Variants in NPAS3 observed in about 807,000 individuals in gnomAD.
The protein encoded by NPAS3 is neuronal PAS domain-containing protein 3.
A neutral mutation model predicts 73.1 loss-of-function variants in NPAS3; 14 were observed. That is an observed-to-expected ratio of 0.19 (90% CI 0.13 to 0.30). The LOEUF (loss-of-function observed/expected upper bound fraction) is 0.30, where lower values mean the gene tolerates loss of function less well. NPAS3 is among the 10% of genes least tolerant of loss of function. The probability of loss-of-function intolerance (pLI) is 1.00; values close to 1 mark genes in which losing one functional copy is unlikely to be tolerated. For synonymous variants in NPAS3, 620 were observed against 541.5 expected (o/e 1.14, Z -2.01); for missense variants, 1,096 against 1,250.0 (o/e 0.88, Z 1.86).
Position 33,750,162 on chromosome 14 carries a change from G to A in NPAS3, c.852+14830G>A, listed in dbSNP as rs114674745. On this transcript the variant is annotated intron_variant, in intron 7 of 11. Transcript: ENST00000356141. ...CATTCAAAGTACCAAACAGTGAGGC[G>A]TTGTCAAGAAGGGATATGTTGGATG... Among the ~76,000 whole-genome samples, 1,280 of 151,328 alleles carry A rather than the reference G, an allele frequency of 8.5e-3. 18 individuals carry two copies. The highest frequency in any genetic ancestry group is 0.028 in the African/African-American group (1,155 of 41,274).
chr14:33,383,576 T>G (rs536072147), intron 4 of NPAS3, among the ~76,000 whole-genome samples: 1 of 152,290 alleles, frequency 6.6e-6, no homozygotes, highest in East Asian at 1.9e-4. Context: ...GCCCCTTAAT[T>G]TTCTGATTAC....
intron 3 of NPAS3, among the ~76,000 whole-genome samples, chr14:33,256,019 AT>A (rs2048767771): frequency 6.6e-6 from 1 of 152,196 alleles, no homozygotes; most frequent in Non-Finnish European, 1.5e-5. Context: ...TAAATTTAAA[AT>A]TACTCATAAA....
intron 2 of NPAS3, among the ~76,000 whole-genome samples, chr14:33,105,567 T>C (rs1410946088): frequency 6.6e-6 from 1 of 152,144 alleles, no homozygotes; most frequent in African/African-American, 2.4e-5. Context: ...TTAGATTACA[T>C]GGGCTACTAA....
At chr14:33,796,584 C>T (rs147971938) in intron 10 of NPAS3, among the ~76,000 whole-genome samples, 103 of 152,140 alleles carry the variant, frequency 6.8e-4, no homozygotes, top group Non-Finnish European at 1.3e-3. Flanking sequence ...ATGGAAAAAT[C>T]GAAGAGGCAT....
At chr14:33,504,991 A>G (rs1406045321) in intron 4 of NPAS3, among the ~76,000 whole-genome samples, 1 of 152,026 alleles carries the variant, frequency 6.6e-6, no homozygotes, top group African/African-American at 2.4e-5. Context: ...CCAATAATTT[A>G]TGTCTCTCTC....
chr14:33,663,494 C>G (rs946595891), intron 5 of NPAS3, among the ~76,000 whole-genome samples: 1 of 151,936 alleles, frequency 6.6e-6, no homozygotes, highest in African/African-American at 2.4e-5. Flanking sequence ...ATTTTCAAAT[C>G]GATGTTCATC....
intron 3 of NPAS3, among the ~76,000 whole-genome samples, chr14:33,244,507 G>C (rs548146547): frequency 1.6e-5 from 2 of 122,226 alleles, no homozygotes; most frequent in South Asian, 5.1e-4. Context: ...TGGATGTAAT[G>C]TAAGTTAAAA....
intron 3 of NPAS3, among the ~76,000 whole-genome samples, chr14:33,336,548 A>G (rs191602072): frequency 6.6e-6 from 1 of 152,300 alleles, no homozygotes; most frequent in Admixed American, 6.5e-5. Flanking sequence ...TCTTTCAGGA[A>G]ATACTTGGAC....
intron 2 of NPAS3, among the ~76,000 whole-genome samples, chr14:33,063,551 AC>A (rs2041179732): frequency 6.6e-6 from 1 of 152,066 alleles, no homozygotes; most frequent in African/African-American, 2.4e-5. Context: ...AGCCAAATCT[AC>A]CCCATCCCCC....
At chr14:33,784,751 T>TTTTTTTTTTTTTTTTTTTTTTTTTA (rs2063110602) in intron 9 of NPAS3, among the ~76,000 whole-genome samples, 1 of 114,876 alleles carries the variant, frequency 8.7e-6, no homozygotes, top group African/African-American at 3.9e-5. Context: ...ATTTATTTTT[T>TTTTTTTTTTTTTTTTTTTTTTTTTA]TTTTTTTTTT....
At chr14:33,385,244 G>T (rs1044666548) in intron 4 of NPAS3, among the ~76,000 whole-genome samples, 2 of 151,582 alleles carry the variant, frequency 1.3e-5, no homozygotes, top group Admixed American at 6.6e-5. Flanking sequence ...TTGCCTTTTT[G>T]GGGGGTAGGT....
chr14:33,029,251 G>A (rs1249906447), intron 1 of NPAS3, among the ~76,000 whole-genome samples: 1 of 152,134 alleles, frequency 6.6e-6, no homozygotes, highest in Non-Finnish European at 1.5e-5. Flanking sequence ...TATGCAGTGG[G>A]GAGCATTGAC....
chr14:33,434,654 G>A (rs981791160), intron 4 of NPAS3, among the ~76,000 whole-genome samples: 1 of 152,160 alleles, frequency 6.6e-6, no homozygotes, highest in Non-Finnish European at 1.5e-5. Flanking sequence ...ACTGCAGGAA[G>A]TTGATTCTTT....
chr14:33,048,646 G>A (rs183287300), intron 1 of NPAS3, among the ~76,000 whole-genome samples: 1 of 152,152 alleles, frequency 6.6e-6, no homozygotes, highest in African/African-American at 2.4e-5. Context: ...GTTTCTTTGT[G>A]TAGTTCCAGG....
chr14:33,640,630 A>G (rs1229050776), intron 5 of NPAS3, among the ~76,000 whole-genome samples: 1 of 152,230 alleles, frequency 6.6e-6, no homozygotes, highest in Non-Finnish European at 1.5e-5. Flanking sequence ...GCAGACTAAC[A>G]TTCATTCATT....
intron 3 of NPAS3, among the ~76,000 whole-genome samples, chr14:33,294,005 A>C (rs2042197915): frequency 6.6e-6 from 1 of 152,180 alleles, no homozygotes; most frequent in Admixed American, 6.5e-5. Flanking sequence ...GATATGTAAG[A>C]GGAAGTGCAC....
intron 2 of NPAS3, among the ~76,000 whole-genome samples, chr14:33,102,973 G>A (rs2042620982): frequency 6.6e-6 from 1 of 152,144 alleles, no homozygotes; most frequent in Admixed American, 6.5e-5. Context: ...CAGTCTGCAG[G>A]CATTTAGTAA....
chr14:33,655,598 T>C (rs1330444620), intron 5 of NPAS3, among the ~76,000 whole-genome samples: 1 of 152,178 alleles, frequency 6.6e-6, no homozygotes, highest in East Asian at 1.9e-4. Flanking sequence ...CAAATGCACG[T>C]AGCACTAGGG....
intron 4 of NPAS3, among the ~76,000 whole-genome samples, chr14:33,416,812 C>T (rs2048167331): frequency 6.6e-6 from 1 of 151,902 alleles, no homozygotes; most frequent in Non-Finnish European, 1.5e-5. Flanking sequence ...TACTTATGGA[C>T]ATTGATATTT....
Sources: allele counts gnomAD v4.1 joint callset (sites outside exome capture counted in the v4.1 genomes callset), GRCh38; gene constraint gnomAD v4.1.1; transcripts MANE v1.5; gene names NCBI Gene and HGNC (gene_info 2026-07-23, HGNC 2026-07-21).